The following CC2D2B variants were observed in gnomAD, a reference collection of about 807,000 sequenced individuals.
The protein encoded by CC2D2B is coiled-coil and C2 domain containing 2B, also known as protein CC2D2B.
A neutral mutation model predicts 161.2 loss-of-function variants in CC2D2B; 128 were observed. That is an observed-to-expected ratio of 0.79 (90% CI 0.69 to 0.92). The LOEUF is 0.92. Among genes scored for constraint, CC2D2B ranks in the 40% least tolerant of loss-of-function variants. The probability of loss-of-function intolerance (pLI) is 0.00; values close to 1 mark genes in which losing one functional copy is unlikely to be tolerated. For missense variants in CC2D2B, 1,173 were observed against 1,375.1 expected (o/e 0.85, Z 2.32); for synonymous variants, 391 against 449.8 (o/e 0.87, Z 1.65).
intron 2 of CC2D2B, among the ~76,000 whole-genome samples, chr10:95,914,857 G>A (rs1223682381): frequency 1.3e-5 from 2 of 152,188 alleles, no homozygotes; most frequent in African/African-American, 4.8e-5. Context: ...GATTTCTCGA[G>A]TCTTGTGTTT....
chr10:96,029,286 G>GTATA (rs58363071), intron 34 of CC2D2B, among the ~76,000 whole-genome samples: 11 of 70,630 alleles, frequency 1.6e-4, no homozygotes, highest in East Asian at 4.1e-4. Flanking sequence ...ATATATATAT[G>GTATA]TATATATATA....
Position 96,004,172 on chromosome 10 carries a change from G to C in CC2D2B, c.2870G>C (p.Ser957Thr). ...VDFVSPGHDY[S>T]FSSLSKIKDN... ...TGCAGCTCACCAGGACATGATTATA[G>C]CTTCTCAAGCTTATCTAAAATAAAA... Residue 957 changes from serine to threonine, a missense_variant, in exon 25 of 35, where the codon AGC (serine) becomes ACC (threonine). Around this residue, in one of 3 missense-constraint regions of CC2D2B, gnomAD observed 598 missense variants for 693.2 expected, o/e 0.86. Coordinates refer to ENST00000646931, the MANE Select transcript of CC2D2B (RefSeq NM_001349008.3). 2 of 1,545,170 alleles carry C rather than the reference G, an allele frequency of 1.3e-6. No individual in the cohort carries two copies. The highest frequency in any genetic ancestry group is 1.7e-6 in the Non-Finnish European group (2 of 1,148,942).
chr10:95,924,521 C>CTG, intron 4 of CC2D2B, 131 bp downstream of exon 4: 1 of 560,090 alleles, frequency 1.8e-6, no homozygotes. Flanking sequence ...AAGTCTTCCT[C>CTG]TCTCTCTCTA....
At chr10:95,969,532 G>A (rs2077050199) in intron 15 of CC2D2B, among the ~76,000 whole-genome samples, 1 of 152,018 alleles carries the variant, frequency 6.6e-6, no homozygotes, top group Non-Finnish European at 1.5e-5. Context: ...AATTAGGAGG[G>A]AATAAAGATT....
chr10:95,947,402 A>C (rs1229059285), intron 9 of CC2D2B, among the ~76,000 whole-genome samples: 1 of 150,450 alleles, frequency 6.6e-6, no homozygotes, highest in African/African-American at 2.4e-5. Context: ...AGTATGAGCC[A>C]CCACACTCGG....
At chr10:95,951,338 G>A (rs979303667) in intron 10 of CC2D2B, among the ~76,000 whole-genome samples, 5 of 151,938 alleles carry the variant, frequency 3.3e-5, no homozygotes, top group Non-Finnish European at 7.4e-5. Flanking sequence ...TTTTCATAGA[G>A]ACAGGCTTTT....
At chr10:95,924,967 G>C in intron 5 of CC2D2B, 123 bp downstream of exon 5, 1 of 596,262 alleles carries the variant, frequency 1.7e-6, no homozygotes. Context: ...TTACAGAATT[G>C]TTCAATCAAT....
intron 10 of CC2D2B, among the ~76,000 whole-genome samples, chr10:95,950,858 C>T (rs938048718): frequency 1.3e-5 from 2 of 151,736 alleles, no homozygotes; most frequent in African/African-American, 4.8e-5. Flanking sequence ...CTTGCTCTGT[C>T]GCCGAGGCTA....
chr10:95,917,232 T>C (rs1445891552), intron 2 of CC2D2B, among the ~76,000 whole-genome samples: 1 of 152,204 alleles, frequency 6.6e-6, no homozygotes, highest in Non-Finnish European at 1.5e-5. Context: ...GCATGGACTA[T>C]CTTTTTTCAT....
intron 7 of CC2D2B, 135 bp downstream of exon 7, chr10:95,938,324 C>T (rs1294303475): frequency 1.5e-6 from 1 of 663,186 alleles, no homozygotes; most frequent in Non-Finnish European, 2.6e-6. Flanking sequence ...TTTTTCATGA[C>T]TTCCCTGAAT....
intron 25 of CC2D2B, among the ~76,000 whole-genome samples, 194 bp from the exon 26 acceptor site, chr10:96,009,631 C>T (rs1379872617): frequency 6.6e-6 from 1 of 152,126 alleles, no homozygotes; most frequent in Admixed American, 6.6e-5. Flanking sequence ...ATAATTTTCT[C>T]TCAGACTATT....
At chr10:95,963,291 A>G (rs1028796218) in intron 12 of CC2D2B, among the ~76,000 whole-genome samples, 1 of 152,062 alleles carries the variant, frequency 6.6e-6, no homozygotes, top group African/African-American at 2.4e-5. Flanking sequence ...ACCACTATTG[A>G]CCTCACAACA....
intron 29 of CC2D2B, among the ~76,000 whole-genome samples, chr10:96,015,751 T>A (rs2079171384): frequency 6.6e-6 from 1 of 152,184 alleles, no homozygotes; most frequent in Non-Finnish European, 1.5e-5. Context: ...ATTTCTTCCT[T>A]TCTTTGAGTT....
intron 2 of CC2D2B, among the ~76,000 whole-genome samples, chr10:95,914,173 T>C (rs915310166): frequency 1.3e-5 from 2 of 152,208 alleles, no homozygotes; most frequent in African/African-American, 4.8e-5. Flanking sequence ...TTCATTCTTC[T>C]GCATATGGAT....
Position 95,926,848 on chromosome 10 carries a change from C to CTGTG in CC2D2B, c.241-366_241-363dup, listed in dbSNP as rs1209292988. On this transcript the variant is annotated intron_variant, in intron 5 of 34. Coordinates refer to ENST00000646931, the MANE Select transcript of CC2D2B (RefSeq NM_001349008.3). ...TGTGTGTGTGTGTGTGTGTGTGTGT[C>CTGTG]TGTGTGTGTGTGTGTGTGTGTGTGT... Among the ~76,000 whole-genome samples, 593 of 106,940 alleles carry CTGTG rather than the reference C, an allele frequency of 5.5e-3. 2 individuals are homozygous for CTGTG. Among genetic ancestry groups the CTGTG allele is most frequent in the South Asian group, 0.023 (75 of 3,286 alleles). The allele number at this position is 106,940 out of a possible 152,430, so 70.2% of individuals were successfully genotyped here.
Position 95,924,788 on chromosome 10 carries a change from G to A in CC2D2B, c.184G>A (p.Gly62Ser), listed in dbSNP as rs2098535319. The A allele has an allele frequency of 6.5e-6, 10 of 1,535,536 alleles. No homozygotes were observed. The highest frequency in any genetic ancestry group is 8.8e-6 in the Non-Finnish European group (10 of 1,132,816). Residue 62 changes from glycine to serine, a missense_variant, in exon 5 of 35, where the codon GGT (glycine) becomes AGT (serine). Around this residue, in one of 3 missense-constraint regions of CC2D2B, gnomAD observed 298 missense variants for 261.2 expected, o/e 1.14. Transcript: ENST00000646931. Reference protein sequence around the residue: ...EKLKISKINKGEKSSTEQLID... With the variant: ...EKLKISKINKSEKSSTEQLID... ...TTATGTTGTGTTTCAGATTAATAAA[G>A]GTGAAAAATCTTCAACTGAGCAGCT...
At chr10:95,995,706 G>A (rs568870673) in intron 23 of CC2D2B, among the ~76,000 whole-genome samples, 3 of 152,280 alleles carry the variant, frequency 2.0e-5, no homozygotes, top group East Asian at 1.9e-4. Context: ...GAATGGCCTC[G>A]ACGCATATCC....
intron 2 of CC2D2B, among the ~76,000 whole-genome samples, chr10:95,917,966 G>A (rs1221055787): frequency 3.9e-5 from 6 of 151,930 alleles, no homozygotes; most frequent in Non-Finnish European, 5.9e-5. Flanking sequence ...AAGTAGAGAC[G>A]GGGTTTCACC....
At chr10:96,025,185 A>ATATATATATATATATATAT (rs1491443122) in intron 33 of CC2D2B, among the ~76,000 whole-genome samples, 1 of 16,278 alleles carries the variant, frequency 6.1e-5, no homozygotes, top group Non-Finnish European at 1.3e-4. Flanking sequence ...ATATATATAT[A>ATATATATATATATATATAT]AAAAAAAATA....
Sources: allele counts gnomAD v4.1 joint callset (sites outside exome capture counted in the v4.1 genomes callset), GRCh38; gene constraint gnomAD v4.1.1; regional missense constraint gnomAD v4.1.1; transcripts MANE v1.5; gene names NCBI Gene and HGNC (gene_info 2026-07-23, HGNC 2026-07-21).